Variants in USP48 observed in about 807,000 individuals in gnomAD.
USP48 encodes the protein ubiquitin specific peptidase 48.
In USP48, 43 loss-of-function variants were observed where a neutral mutation model predicts 150.7. That is an observed-to-expected ratio of 0.29 (90% CI 0.22 to 0.37). USP48 has a LOEUF of 0.37. USP48 is among the 10% of genes least tolerant of loss of function. The probability of loss-of-function intolerance (pLI) is 1.00; values close to 1 mark genes in which losing one functional copy is unlikely to be tolerated. For synonymous variants in USP48, 396 were observed against 425.9 expected, an observed-to-expected ratio of 0.93 and a Z score of 0.86; for missense variants, 813 against 1,249.6, an observed-to-expected ratio of 0.65 and a Z score of 5.27.
rs1328574122 is a variant in USP48 at position 21,678,439 on chromosome 1, T to A, written c.*978A>T. ...ACATCCATATACTTTTTTCCTTTTT[T>A]AAACAATGATCTAAGAGACCCTCTC... On this transcript the variant is annotated 3_prime_UTR_variant, in exon 27 of 27. Coordinates refer to ENST00000308271, the MANE Select transcript of USP48 (RefSeq NM_032236.8). 6.6e-6 allele frequency: 1 copy of A among 152,136 alleles called. No individual in the cohort carries two copies. Among genetic ancestry groups the A allele is most frequent in the African/African-American group, 2.4e-5 (1 of 41,400 alleles). 9.4% of individuals were successfully genotyped at this position (152,136 alleles called of 1,614,324 possible). A position where few individuals can be genotyped will look rare whatever the true frequency, so the allele number is the denominator to read the frequency against.
At chr1:21,721,929 T>C (rs1437711696) in intron 12 of USP48, among the ~76,000 whole-genome samples, 165 bp from the exon 13 acceptor site, 1 of 152,072 alleles carries the variant, frequency 6.6e-6, no homozygotes, top group Non-Finnish European at 1.5e-5. Flanking sequence ...ACTAAGACAA[T>C]TAGAAACCAA....
intron 8 of USP48, among the ~76,000 whole-genome samples, chr1:21,744,957 ATCT>A (rs955883958): frequency 7.9e-5 from 12 of 152,008 alleles, no homozygotes; most frequent in Non-Finnish European, 1.6e-4. Context: ...TTAACAACAG[ATCT>A]TCTTTTGGAT....
At chr1:21,757,398 T>G (rs1355218613) in intron 2 of USP48, 4 of 278,798 alleles carry the variant, frequency 1.4e-5, no homozygotes, top group Non-Finnish European at 2.0e-5. Flanking sequence ...AAATAAAACA[T>G]GCAATGTTAA....
At chr1:21,760,646 C>T (rs1011847562) in intron 1 of USP48, among the ~76,000 whole-genome samples, 2 of 151,422 alleles carry the variant, frequency 1.3e-5, no homozygotes, top group Non-Finnish European at 2.9e-5. Flanking sequence ...AACTGGAAGG[C>T]GGGAGGGTGC....
At chr1:21,755,570 A>T (rs539262573) in intron 3 of USP48, among the ~76,000 whole-genome samples, 12 of 149,980 alleles carry the variant, frequency 8.0e-5, no homozygotes, top group South Asian at 2.1e-4. Flanking sequence ...AACAAACAAT[A>T]AAAAAAAACC....
intron 6 of USP48, among the ~76,000 whole-genome samples, chr1:21,749,483 T>TC (rs1347110580): frequency 3.3e-5 from 5 of 152,160 alleles, no homozygotes; most frequent in Non-Finnish European, 7.4e-5. Context: ...AGGTCCTCCC[T>TC]ATCTCAGTTA....
At chr1:21,776,951 G>GA (rs113465243) in intron 1 of USP48, among the ~76,000 whole-genome samples, 133 of 130,418 alleles carry the variant, frequency 1.0e-3, no homozygotes, top group East Asian at 2.0e-3. Flanking sequence ...CTGTCTCAAA[G>GA]AAAAAAAAAA....
intron 8 of USP48, among the ~76,000 whole-genome samples, chr1:21,737,924 G>C (rs1329142315): frequency 5.3e-5 from 8 of 151,470 alleles, no homozygotes; most frequent in Admixed American, 5.3e-4. Context: ...CCTGAGACGG[G>C]GTCTTGTTCT....
At chr1:21,737,921 C>T (rs572089680) in intron 8 of USP48, among the ~76,000 whole-genome samples, 8 of 150,874 alleles carry the variant, frequency 5.3e-5, no homozygotes, top group Non-Finnish European at 8.8e-5. Context: ...TTCCCTGAGA[C>T]GGGGTCTTGT....
chr1:21,759,181 C>CAA lies in USP48; in HGVS notation c.135-1400_135-1399dup, dbSNP rs11341963. ...TGGGCAACAGAGAGAGACACGGTCTCAAAAAAAAAAAAAAAAAAAAAAAAG... is the reference window on the plus strand; with the variant it reads ...TGGGCAACAGAGAGAGACACGGTCTCAAAAAAAAAAAAAAAAAAAAAAAAAAG... On this transcript the variant is annotated intron_variant, in intron 1 of 26. Transcript: ENST00000308271. Among the ~76,000 whole-genome samples, 502 of 69,158 alleles carry CAA rather than the reference C, an allele frequency of 7.3e-3. 10 individuals carry two copies. The highest frequency in any genetic ancestry group is 0.011 in the Middle Eastern group (1 of 88). 45.4% of individuals were successfully genotyped at this position (69,158 alleles called of 152,430 possible). A position where few individuals can be genotyped will look rare whatever the true frequency, so the allele number is the denominator to read the frequency against.
intron 22 of USP48, among the ~76,000 whole-genome samples, chr1:21,699,068 C>T (rs746865050): frequency 6.6e-6 from 1 of 151,954 alleles, no homozygotes. Flanking sequence ...CTTGCTCTGT[C>T]GCCCAAGCTG....
chr1:21,710,977 T>C (rs569869939), intron 15 of USP48, among the ~76,000 whole-genome samples: 1 of 151,950 alleles, frequency 6.6e-6, no homozygotes, highest in Non-Finnish European at 1.5e-5. Context: ...CTAATTTTTA[T>C]TTTATTTTTT....
At chr1:21,691,499 G>C (rs977919788) in intron 23 of USP48, among the ~76,000 whole-genome samples, 1 of 152,140 alleles carries the variant, frequency 6.6e-6, no homozygotes, top group East Asian at 1.9e-4. Flanking sequence ...GCTGGGAATA[G>C]TGCCATGCAC....
chr1:21,716,292 A>C lies in USP48; in HGVS notation c.1895-835T>G, dbSNP rs149657351. Among the ~76,000 whole-genome samples the C allele has an allele frequency of 1.1e-3, 174 of 152,284 alleles. 1 individual carries two copies. Among genetic ancestry groups the C allele is most frequent in the African/African-American group, 4.1e-3 (170 of 41,564 alleles). ...TTTGAGATCATTATTAAGTAAAATA[A>C]GGGTAACTTGAACACAGGCACTCCT... On this transcript the variant is annotated intron_variant, in intron 14 of 26. Coordinates refer to ENST00000308271, the MANE Select transcript of USP48 (RefSeq NM_032236.8).
chr1:21,772,346 G>A lies in USP48; in HGVS notation c.134+10478C>T, dbSNP rs1050278496. 3.9e-5 allele frequency among the ~76,000 whole-genome samples: 6 copies of A among 152,228 alleles called. No homozygotes were observed. In the East Asian group the frequency reaches 5.8e-4, roughly 15 times the overall value. ...AATATTCAATAAACTAGGCCGGGCC[G>A]GGCATGGTGGGTCATGCCTGTAATC... On this transcript the variant is annotated intron_variant, in intron 1 of 26. Coordinates refer to ENST00000308271, the MANE Select transcript of USP48 (RefSeq NM_032236.8).
intron 24 of USP48, among the ~76,000 whole-genome samples, chr1:21,689,431 C>T (rs907435307): frequency 4.6e-5 from 7 of 151,944 alleles, no homozygotes; most frequent in Admixed American, 3.9e-4. Flanking sequence ...AGTCAATCCT[C>T]AGTGCTCAGA....
intron 9 of USP48, among the ~76,000 whole-genome samples, chr1:21,736,236 C>T (rs926232746): frequency 6.6e-6 from 1 of 152,156 alleles, no homozygotes; most frequent in Non-Finnish European, 1.5e-5. Context: ...TGTACCACTG[C>T]ATTCCAGCCT....
chr1:21,728,796 T>C lies in USP48; in HGVS notation c.1301-77A>G. 6 of 1,501,762 alleles carry C rather than the reference T, an allele frequency of 4.0e-6. No homozygotes were observed. The South Asian group carries it at 7.5e-5, about 19-fold the overall frequency. The allele number at this position is 1,501,762 out of a possible 1,614,324, so 93.0% of individuals were successfully genotyped here. On this transcript the variant is annotated intron_variant, in intron 10 of 26. Transcript: ENST00000308271. ...GTGAACCATGCTAATCTCTAAATCA[T>C]ATCAAATACTGATTAAAACATTGGC...
At chr1:21,727,397 G>T (rs1407216147) in intron 11 of USP48, among the ~76,000 whole-genome samples, 1 of 152,192 alleles carries the variant, frequency 6.6e-6, no homozygotes, top group African/African-American at 2.4e-5. Flanking sequence ...GTTCCTATAT[G>T]CTGAATGAAA....
Sources: allele counts gnomAD v4.1 joint callset (sites outside exome capture counted in the v4.1 genomes callset), GRCh38; gene constraint gnomAD v4.1.1; transcripts MANE v1.5; gene names NCBI Gene and HGNC (gene_info 2026-07-23, HGNC 2026-07-21).